The following CUL4A variants were observed in gnomAD, a reference collection of about 807,000 sequenced individuals.
CUL4A encodes cullin 4A.
In CUL4A, 16 loss-of-function variants were observed where a neutral mutation model predicts 95.5. The ratio of observed to expected loss-of-function variants is 0.17; its 90% CI spans 0.11 to 0.25. The LOEUF is 0.25. CUL4A is among the 10% of genes least tolerant of loss of function. The pLI, the probability that CUL4A is intolerant of heterozygous loss-of-function variation, is 1.00. For synonymous variants in CUL4A, 380 were observed against 353.1 expected, an observed-to-expected ratio of 1.08 and a Z score of -0.85; for missense variants, 610 against 937.0, an observed-to-expected ratio of 0.65 and a Z score of 4.56.
intron 5 of CUL4A, among the ~76,000 whole-genome samples, chr13:113,232,402 A>G (rs1169440638): frequency 6.2e-5 from 5 of 80,376 alleles, no homozygotes; most frequent in African/African-American, 2.0e-4. Context: ...TACTGCTGCC[A>G]CCACCACCAC....
upstream of CUL4A, chr13:113,208,353 C>T (rs1257273755): frequency 7.0e-7 from 1 of 1,433,134 alleles, no homozygotes. Context: ...CTACTTACAC[C>T]GCGACGACTC....
chr13:113,229,852 A>T lies in CUL4A; in HGVS notation c.512+333A>T, dbSNP rs574361008. On this transcript the variant is annotated intron_variant, in intron 5 of 19. Coordinates refer to ENST00000375440, the MANE Select transcript of CUL4A (RefSeq NM_001008895.4). ...CAGCGCTGCAGTTGAAACTCGGAGAAAGACTGCCTGCTGCCCGTGGGGTCG... is the reference window on the plus strand; with the variant it reads ...CAGCGCTGCAGTTGAAACTCGGAGATAGACTGCCTGCTGCCCGTGGGGTCG... 87 of 465,578 alleles carry T rather than the reference A, an allele frequency of 1.9e-4. 2 individuals are homozygous for T. The South Asian group carries it at 3.9e-3, about 21-fold the overall frequency. The allele number at this position is 465,578 out of a possible 1,614,324, so 28.8% of individuals were successfully genotyped here. A position where few individuals can be genotyped will look rare whatever the true frequency, so the allele number is the denominator to read the frequency against.
intron 9 of CUL4A, among the ~76,000 whole-genome samples, chr13:113,237,796 T>C (rs903239420): frequency 9.7e-4 from 148 of 152,324 alleles, no homozygotes; most frequent in African/African-American, 3.2e-3. Flanking sequence ...TGTCAGATAA[T>C]AGTATTATGG....
chr13:113,215,886 C>T (rs1431965905), intron 2 of CUL4A, among the ~76,000 whole-genome samples: 5 of 129,300 alleles, frequency 3.9e-5, no homozygotes, highest in Non-Finnish European at 6.4e-5. Flanking sequence ...CTGTGGAGGT[C>T]GCGTGTGTGA....
In CUL4A at chr13:113,236,865, A is replaced by G; in HGVS notation, c.891A>G (p.Glu297=). The change falls in exon 9 of 20, where the codon GAA becomes GAG. Residue 297 remains glutamate (E), a synonymous_variant. Coordinates refer to ENST00000375440, the MANE Select transcript of CUL4A (RefSeq NM_001008895.4). Reference sequence around the variant, plus strand: ...GTGTGGAGAAACAGCTATTAGGAGAACATTTAACAGCAATTCTGCAGAAAG... The same window carrying G: ...GTGTGGAGAAACAGCTATTAGGAGAGCATTTAACAGCAATTCTGCAGAAAG... ...IACVEKQLLG[E]HLTAILQKGL... 6.2e-7 allele frequency: 1 copy of G among 1,612,470 alleles called. No individual in the cohort carries two copies. Among genetic ancestry groups the G allele is most frequent in the Non-Finnish European group, 8.5e-7 (1 of 1,178,886 alleles).
chr13:113,214,026 A>G (rs2040550176), intron 2 of CUL4A, among the ~76,000 whole-genome samples: 1 of 152,244 alleles, frequency 6.6e-6, no homozygotes. Flanking sequence ...TGGTGTTTCA[A>G]AATAAAGTCT....
chr13:113,233,134 A>C (rs2041416309), intron 5 of CUL4A, 43 bp from the exon 6 acceptor site: 2 of 1,587,302 alleles, frequency 1.3e-6, no homozygotes, highest in Admixed American at 1.8e-5. Flanking sequence ...AACTTCTAAA[A>C]AGCGAAACTA....
intron 15 of CUL4A, among the ~76,000 whole-genome samples, 178 bp downstream of exon 15, chr13:113,246,241 T>C (rs1389565878): frequency 6.6e-6 from 1 of 152,216 alleles, no homozygotes; most frequent in Non-Finnish European, 1.5e-5. Flanking sequence ...TTTTGTCACC[T>C]TCTGTGGCTC....
Position 113,236,652 on chromosome 13 carries a change from G to A in CUL4A, c.849-171G>A, listed in dbSNP as rs75840181. Among the ~76,000 whole-genome samples, 47 of 152,280 alleles carry A rather than the reference G, an allele frequency of 3.1e-4. No homozygotes were observed. In the East Asian group the frequency reaches 7.9e-3, roughly 26 times the overall value. ...GTTTTTAGAAAGGGCTTCCTTCAGCGTCATTAGCAACAGGAGTCGTCGTCC... is the reference window on the plus strand; with the variant it reads ...GTTTTTAGAAAGGGCTTCCTTCAGCATCATTAGCAACAGGAGTCGTCGTCC... On this transcript the variant is annotated intron_variant, in intron 8 of 19. Coordinates refer to ENST00000375440, the MANE Select transcript of CUL4A (RefSeq NM_001008895.4).
chr13:113,210,820 T>C (rs1203873326), intron 2 of CUL4A, among the ~76,000 whole-genome samples: 1 of 152,184 alleles, frequency 6.6e-6, no homozygotes, highest in Admixed American at 6.6e-5. Context: ...GATATGCAAG[T>C]GACTGCATTG....
chr13:113,229,399 T>A, intron 4 of CUL4A, 47 bp from the exon 5 acceptor site: 1 of 1,528,432 alleles, frequency 6.5e-7, no homozygotes. Flanking sequence ...CTTTCATATT[T>A]TGCTAGTAGA....
chr13:113,255,037 T>A lies in CUL4A; in HGVS notation c.1943T>A (p.Val648Glu). 1.2e-6 allele frequency: 2 copies of A among 1,614,156 alleles called. No homozygotes were observed. The highest frequency in any genetic ancestry group is 8.5e-7 in the Non-Finnish European group (1 of 1,180,004). ...VLIKSPKGKE[V>E]EDGDKFIFNG... ...ATTAAAAGTCCCAAAGGAAAGGAAG[T>A]GGAAGATGGAGACAAGTTCATTTTT... Residue 648 changes from valine (V) to glutamate (E), a missense_variant, in exon 18 of 20, where the codon GTG becomes GAG. Around this residue, in one of 10 missense-constraint regions of CUL4A, gnomAD observed 72 missense variants for 93.2 expected, o/e 0.77. Coordinates refer to ENST00000375440, the MANE Select transcript of CUL4A (RefSeq NM_001008895.4).
upstream of CUL4A, chr13:113,209,566 G>GGCGGA (rs929686984): frequency 1.1e-5 from 10 of 924,508 alleles, no homozygotes; most frequent in East Asian, 6.0e-4. Flanking sequence ...GACCGGGGCG[G>GGCGGA]GCGGAGCGGA....
Position 113,260,709 on chromosome 13 carries a change from C to A in CUL4A, c.2134C>A (p.His712Asn). Residue 712 changes from histidine to asparagine, a missense_variant, in exon 19 of 20, where the codon CAT becomes AAT. By Grantham distance (68) the His-to-Asn change is moderately conservative. Around this residue, in one of 10 missense-constraint regions of CUL4A, gnomAD observed 28 missense variants for 86.4 expected, o/e 0.32. Coordinates refer to ENST00000375440, the MANE Select transcript of CUL4A (RefSeq NM_001008895.4). ...AATGAAGATGAGAAAGACTCTTGGTCATAATCTTCTAGTTTCTGAATTATA... is the reference window on the plus strand; with the variant it reads ...AATGAAGATGAGAAAGACTCTTGGTAATAATCTTCTAGTTTCTGAATTATA... ...RIMKMRKTLG[H>N]NLLVSELYNQ... 1.2e-6 allele frequency: 2 copies of A among 1,607,564 alleles called. No individual in the cohort carries two copies. Among genetic ancestry groups the A allele is most frequent in the South Asian group, 2.2e-5 (2 of 89,898 alleles).
chr13:113,226,213 C>T (rs1233895331), intron 3 of CUL4A, among the ~76,000 whole-genome samples: 2 of 152,206 alleles, frequency 1.3e-5, no homozygotes, highest in Admixed American at 6.5e-5. Flanking sequence ...TGTGTTTTTC[C>T]TCCTCTCTGT....
chr13:113,230,356 A>G (rs911321297), intron 5 of CUL4A: 1 of 152,290 alleles, frequency 6.6e-6, no homozygotes, highest in Non-Finnish European at 1.5e-5. Context: ...CCTGCCAGTT[A>G]CCAAATCCAG....
intron 4 of CUL4A, among the ~76,000 whole-genome samples, chr13:113,229,113 C>T (rs1226254169): frequency 2.6e-5 from 4 of 151,972 alleles, no homozygotes; most frequent in East Asian, 1.9e-4. Context: ...AGCGAGACTC[C>T]GTCTCAAGAC....
intron 14 of CUL4A, among the ~76,000 whole-genome samples, chr13:113,245,667 A>G (rs2041837792): frequency 6.6e-6 from 1 of 152,244 alleles, no homozygotes; most frequent in South Asian, 2.1e-4. Flanking sequence ...CACTCTATGT[A>G]AGAAGAAAAT....
intron 2 of CUL4A, among the ~76,000 whole-genome samples, chr13:113,215,337 G>A (rs2040614863): frequency 6.7e-6 from 1 of 150,100 alleles, no homozygotes; most frequent in African/African-American, 2.5e-5. Context: ...CATCCATGTG[G>A]CTGTGGAGGT....
Sources: gnomAD v4.1 joint callset for allele counts (sites outside exome capture counted in the v4.1 genomes callset) on GRCh38, gnomAD v4.1.1 for gene constraint, gnomAD v4.1.1 regional missense constraint, MANE v1.5 for transcripts, NCBI Gene and HGNC (gene_info 2026-07-23, HGNC 2026-07-21) for gene names.